Variants in MSI2 observed in about 807,000 individuals in gnomAD.
The protein encoded by MSI2 is RNA-binding protein Musashi homolog 2.
Under a neutral mutation model 45.6 loss-of-function variants are expected in MSI2, and 17 were observed. That is an observed-to-expected ratio of 0.37 (90% CI 0.26 to 0.56). MSI2 has a LOEUF of 0.56. MSI2 is among the 20% of genes least tolerant of loss of function. The pLI is 0.77. For synonymous variants in MSI2, 156 were observed against 158.2 expected (o/e 0.99, Z 0.11); for missense variants, 293 against 444.2 (o/e 0.66, Z 3.06).
In MSI2 at chr17:57,627,004, G is replaced by A; in HGVS notation, c.653-225G>A. Reference sequence around the variant, plus strand: ...CAGGAAAGTACATGGGCTTTGCGGGGTCTGGCTGCCCAAATATGGGTTAAT... The same window carrying A: ...CAGGAAAGTACATGGGCTTTGCGGGATCTGGCTGCCCAAATATGGGTTAAT... On this transcript the variant is annotated intron_variant, in intron 9 of 13. Coordinates refer to ENST00000284073, the MANE Select transcript of MSI2 (RefSeq NM_138962.4). This position sits in a 1 kb window ranked among gnomAD's most constrained non-coding sequence, Gnocchi z 4.6. The A allele has an allele frequency of 1.7e-6, 1 of 596,950 alleles. No individual in the cohort carries two copies. Among genetic ancestry groups the A allele is most frequent in the Non-Finnish European group, 3.0e-6 (1 of 334,966 alleles). The allele number at this position is 596,950 out of a possible 1,614,324, so 37.0% of individuals were successfully genotyped here. A position where few individuals can be genotyped will look rare whatever the true frequency, so the allele number is the denominator to read the frequency against.
the MSI2 span, among the ~76,000 whole-genome samples, chr17:57,696,405 C>T: frequency 6.6e-6 from 1 of 152,330 alleles, no homozygotes; most frequent in African/African-American, 2.4e-5. Flanking sequence ...GTCACATTCA[C>T]TCCCCAGGAT....
chr17:57,556,452 TG>T (rs771078186), intron 7 of MSI2, among the ~76,000 whole-genome samples: 11 of 152,218 alleles, frequency 7.2e-5, no homozygotes, highest in Non-Finnish European at 1.2e-4. Context: ...ACTTCTTCCT[TG>T]AGGTGGGCAG....
chr17:57,545,261 C>G (rs999305191), intron 7 of MSI2, among the ~76,000 whole-genome samples: 1 of 152,208 alleles, frequency 6.6e-6, no homozygotes, highest in East Asian at 1.9e-4. Context: ...GTGAATTGAA[C>G]AGACAAAGAT....
chr17:57,506,751 C>A (rs2086237724), intron 6 of MSI2, among the ~76,000 whole-genome samples: 1 of 152,146 alleles, frequency 6.6e-6, no homozygotes. Flanking sequence ...GCTTTTTGTG[C>A]CTGTTGAAGG....
the MSI2 span, among the ~76,000 whole-genome samples, chr17:57,698,152 C>T: frequency 1.3e-5 from 2 of 152,166 alleles, no homozygotes; most frequent in African/African-American, 2.4e-5. Flanking sequence ...CTCAGCAAAT[C>T]GACAGGCACT....
At chr17:57,403,950 C>A (rs887073638) in intron 6 of MSI2, among the ~76,000 whole-genome samples, 1 of 152,168 alleles carries the variant, frequency 6.6e-6, no homozygotes, top group South Asian at 2.1e-4. Flanking sequence ...CACACACACA[C>A]ACACACACAC....
chr17:57,284,014 C>A (rs1909649563), intron 5 of MSI2, among the ~76,000 whole-genome samples: 1 of 152,220 alleles, frequency 6.6e-6, no homozygotes, highest in African/African-American at 2.4e-5. Flanking sequence ...TAGTCAACTT[C>A]AGGCGAATCA....
chr17:57,572,633 G>A (rs4793872), intron 7 of MSI2, among the ~76,000 whole-genome samples: 22 of 152,266 alleles, frequency 1.4e-4, no homozygotes, highest in African/African-American at 5.1e-4. Context: ...TGATTGAATC[G>A]AAGGAGGCTA....
intron 5 of MSI2, among the ~76,000 whole-genome samples, chr17:57,378,893 A>T (rs1434758082): frequency 6.6e-6 from 1 of 152,144 alleles, no homozygotes; most frequent in East Asian, 1.9e-4. Context: ...AAATGAGTGG[A>T]AGCTGCATTC....
chr17:57,375,185 A>G (rs945102367), intron 5 of MSI2, among the ~76,000 whole-genome samples: 1 of 152,186 alleles, frequency 6.6e-6, no homozygotes. Context: ...GAAGGAAGAG[A>G]GCACTAGATA....
the MSI2 span, among the ~76,000 whole-genome samples, chr17:57,697,832 G>T: frequency 1.3e-5 from 2 of 152,128 alleles, no homozygotes; most frequent in African/African-American, 2.4e-5. Context: ...ATCTGCCACT[G>T]GGTCCCTCCA....
At chr17:57,688,021 T>C (rs1913916417), downstream of MSI2, among the ~76,000 whole-genome samples, 1 of 152,132 alleles carries the variant, frequency 6.6e-6, no homozygotes, top group South Asian at 2.1e-4. Flanking sequence ...CTCTTTCTAA[T>C]AACACCATGG....
intron 7 of MSI2, among the ~76,000 whole-genome samples, chr17:57,548,365 G>C (rs1236757622): frequency 2.0e-5 from 3 of 152,114 alleles, no homozygotes; most frequent in Non-Finnish European, 4.4e-5. Flanking sequence ...TTATTGGGGT[G>C]GGAGTGGGGG....
At chr17:57,472,879 G>A (rs942161924) in intron 6 of MSI2, among the ~76,000 whole-genome samples, 4 of 150,966 alleles carry the variant, frequency 2.6e-5, no homozygotes, top group African/African-American at 9.7e-5. Context: ...TTCCCAACAA[G>A]CCACTTTTCT....
At chr17:57,458,606 A>G (rs146915979) in intron 6 of MSI2, among the ~76,000 whole-genome samples, 4 of 152,292 alleles carry the variant, frequency 2.6e-5, no homozygotes, top group East Asian at 3.9e-4. Context: ...TGCTGGCTAC[A>G]TGGATGGAGA....
chr17:57,304,311 T>G lies in MSI2; in HGVS notation c.312+42119T>G, dbSNP rs552027977. Among the ~76,000 whole-genome samples the G allele has an allele frequency of 3.6e-3, 506 of 142,154 alleles. 4 individuals are homozygous for G. The highest frequency in any genetic ancestry group is 0.013 in the African/African-American group (493 of 37,638). 93.3% of individuals were successfully genotyped at this position (142,154 alleles called of 152,430 possible). On this transcript the variant is annotated intron_variant, in intron 5 of 13. Transcript: ENST00000284073. ...GGTGGAGGTTGCGGTGAGCCGAGAT[T>G]GCACCACTGCACTTCAGCCTGGGCG...
At chr17:57,263,503 T>C (rs1218274053) in intron 5 of MSI2, 1 of 152,240 alleles carries the variant, frequency 6.6e-6, no homozygotes, top group East Asian at 1.9e-4. Context: ...TTCCCAGAGT[T>C]AGCAGTATTT....
At chr17:57,332,501 C>T (rs77737856) in intron 5 of MSI2, among the ~76,000 whole-genome samples, 2,053 of 152,282 alleles carry the variant, frequency 0.013, 29 homozygotes, top group African/African-American at 0.047. Context: ...TACATCCTTT[C>T]CATGGACATG....
chr17:57,290,934 G>C (rs1352407064), intron 5 of MSI2, among the ~76,000 whole-genome samples: 1 of 152,230 alleles, frequency 6.6e-6, no homozygotes, highest in Non-Finnish European at 1.5e-5. Flanking sequence ...TGGGGGGCCT[G>C]ATTTGGGCCC....
Sources: allele counts gnomAD v4.1 joint callset (sites outside exome capture counted in the v4.1 genomes callset), GRCh38; gene constraint gnomAD v4.1.1; non-coding constraint Gnocchi (gnomAD v3.1); transcripts MANE v1.5; gene names NCBI Gene and HGNC (gene_info 2026-07-23, HGNC 2026-07-21).